Variants in SEMA3A observed in about 807,000 individuals in gnomAD.
The protein encoded by SEMA3A is semaphorin-3A.
In SEMA3A, 29 loss-of-function variants were observed where a neutral mutation model predicts 97.9. The observed-to-expected ratio is 0.30, with a 90% CI of 0.22 to 0.40. SEMA3A has a LOEUF of 0.40. Among genes scored for constraint, SEMA3A ranks in the 10% least tolerant of loss-of-function variants. The pLI is 1.00. For synonymous variants in SEMA3A, 321 were observed against 323.7 expected, an observed-to-expected ratio of 0.99 and a Z score of 0.09; for missense variants, 763 against 951.3, an observed-to-expected ratio of 0.80 and a Z score of 2.60.
chr7:84,024,513 T>A (rs1791472902), intron 6 of SEMA3A, among the ~76,000 whole-genome samples: 1 of 150,838 alleles, frequency 6.6e-6, no homozygotes, highest in Admixed American at 6.6e-5. Flanking sequence ...ACCACTGCAC[T>A]CCAGCCTGAG....
At chr7:84,334,774 T>C (rs959006695) in intron 2 of SEMA3A, among the ~76,000 whole-genome samples, 12 of 151,210 alleles carry the variant, frequency 7.9e-5, no homozygotes, top group African/African-American at 2.9e-4. Context: ...TCTTCTCTCT[T>C]GTTTTCCTCT....
intron 3 of SEMA3A, among the ~76,000 whole-genome samples, chr7:84,258,346 G>A (rs1223512818): frequency 2.6e-5 from 4 of 152,082 alleles, no homozygotes; most frequent in Non-Finnish European, 5.9e-5. Context: ...GGTATTCATG[G>A]ATGGATGTTT....
chr7:84,277,667 T>C (rs1284311218), intron 3 of SEMA3A, among the ~76,000 whole-genome samples: 3 of 152,110 alleles, frequency 2.0e-5, no homozygotes, highest in Non-Finnish European at 4.4e-5. Flanking sequence ...CTACAGGCTG[T>C]CCAGGAAGCA....
At chr7:84,153,810 G>A (rs1281405161) in intron 1 of SEMA3A, among the ~76,000 whole-genome samples, 1 of 151,952 alleles carries the variant, frequency 6.6e-6, no homozygotes, top group Non-Finnish European at 1.5e-5. Flanking sequence ...ATAAAATCTT[G>A]AATAGTTCAA....
At chr7:84,065,475 C>A (rs1793441797) in intron 4 of SEMA3A, among the ~76,000 whole-genome samples, 1 of 151,162 alleles carries the variant, frequency 6.6e-6, no homozygotes, top group African/African-American at 2.4e-5. Flanking sequence ...ATTAATGAAT[C>A]CAGGAGCTGG....
intron 1 of SEMA3A, among the ~76,000 whole-genome samples, chr7:84,402,874 G>A (rs1803946185): frequency 6.6e-6 from 1 of 152,164 alleles, no homozygotes; most frequent in Admixed American, 6.6e-5. Flanking sequence ...TTGACTTTAT[G>A]GAGATAGTGA....
At chr7:84,443,548 A>G (rs1327863502) in intron 1 of SEMA3A, among the ~76,000 whole-genome samples, 3 of 152,114 alleles carry the variant, frequency 2.0e-5, no homozygotes, top group African/African-American at 7.2e-5. Flanking sequence ...GCAAATCAAG[A>G]CTGTAAGGTG....
chr7:84,354,569 C>T (rs1802512372), intron 2 of SEMA3A, among the ~76,000 whole-genome samples: 1 of 151,546 alleles, frequency 6.6e-6, no homozygotes, highest in Admixed American at 6.6e-5. Context: ...AAGTGCTCTA[C>T]TTTATGTTAA....
chr7:84,312,921 TACAC>T (rs1323561552), intron 2 of SEMA3A, among the ~76,000 whole-genome samples: 2,453 of 32,248 alleles, frequency 0.076, 178 homozygotes, highest in Middle Eastern at 0.11. Context: ...TATATATATA[TACAC>T]ACACACACAC....
intron 3 of SEMA3A, among the ~76,000 whole-genome samples, chr7:84,241,360 G>A (rs535937584): frequency 7.2e-5 from 11 of 152,260 alleles, no homozygotes; most frequent in African/African-American, 2.2e-4. Flanking sequence ...GACCAGTGAT[G>A]ATGAGCTTTT....
At chr7:83,990,360 G>T (rs60609947) in intron 12 of SEMA3A, among the ~76,000 whole-genome samples, 32 of 151,452 alleles carry the variant, frequency 2.1e-4, no homozygotes, top group Middle Eastern at 3.4e-3. Context: ...TTGTTGCCAT[G>T]GCTTTTGGTG....
upstream of SEMA3A, among the ~76,000 whole-genome samples, chr7:84,196,874 A>G (rs1798244569): frequency 6.6e-6 from 1 of 152,172 alleles, no homozygotes; most frequent in African/African-American, 2.4e-5. Context: ...AAATATATTT[A>G]TATTTTTACT....
At chr7:84,421,948 T>G (rs1472588019) in intron 1 of SEMA3A, among the ~76,000 whole-genome samples, 2 of 152,170 alleles carry the variant, frequency 1.3e-5, no homozygotes, top group Non-Finnish European at 2.9e-5. Flanking sequence ...TTTGCATCAA[T>G]GTTCTTCAGG....
chr7:84,118,155 A>G (rs1795490796), intron 3 of SEMA3A, among the ~76,000 whole-genome samples: 1 of 152,164 alleles, frequency 6.6e-6, no homozygotes, highest in African/African-American at 2.4e-5. Flanking sequence ...ATTGGTTTTG[A>G]GTATTACTCT....
intron 1 of SEMA3A, among the ~76,000 whole-genome samples, chr7:84,472,264 A>C (rs1198313464): frequency 6.6e-6 from 1 of 151,870 alleles, no homozygotes; most frequent in Non-Finnish European, 1.5e-5. Context: ...ATATTTTCCC[A>C]CTCCCCCACT....
At chr7:84,001,501 A>T (rs1265598825) in intron 12 of SEMA3A, among the ~76,000 whole-genome samples, 2 of 152,244 alleles carry the variant, frequency 1.3e-5, no homozygotes, top group Non-Finnish European at 2.9e-5. Flanking sequence ...TGATTTCTTT[A>T]AGAAAATATG....
At chr7:84,317,090 C>T (rs1032302274) in intron 2 of SEMA3A, among the ~76,000 whole-genome samples, 3 of 152,112 alleles carry the variant, frequency 2.0e-5, no homozygotes, top group African/African-American at 7.2e-5. Context: ...CTCTTTCTAT[C>T]CCTCAGGCTA....
At chr7:84,392,926 A>G (rs1208816931) in intron 1 of SEMA3A, among the ~76,000 whole-genome samples, 1 of 152,042 alleles carries the variant, frequency 6.6e-6, no homozygotes, top group Non-Finnish European at 1.5e-5. Context: ...TGAGCTCCTT[A>G]TATATTTTGG....
rs114574833 is a variant in SEMA3A, at chr7:84,401,907, G to T, written c.-245-30007C>A. Among the ~76,000 whole-genome samples the T allele has an allele frequency of 2.5e-3, 375 of 152,220 alleles. 2 individuals carry two copies. The highest frequency in any genetic ancestry group is 8.4e-3 in the African/African-American group (350 of 41,546). ...ACCTGAAACTATGAAACTATTAGAA[G>T]AAAACAGAGAAATGCTTCAGGATGC... On this transcript the variant is annotated intron_variant, in intron 1 of 3. Transcript: ENST00000424555.
Sources: allele counts gnomAD v4.1 joint callset (sites outside exome capture counted in the v4.1 genomes callset), GRCh38; gene constraint gnomAD v4.1.1; transcripts MANE v1.5; gene names NCBI Gene and HGNC (gene_info 2026-07-23, HGNC 2026-07-21).